Variants in ADAMTS19 observed in about 807,000 individuals in gnomAD.
ADAMTS19 encodes ADAM metallopeptidase with thrombospondin type 1 motif 19, also known as A disintegrin and metalloproteinase with thrombospondin motifs 19.
ADAMTS19 carries 93 observed loss-of-function variants against 153.3 expected under a neutral mutation model. The observed-to-expected ratio is 0.61, with a 90% CI of 0.51 to 0.72. The LOEUF (loss-of-function observed/expected upper bound fraction) is 0.72, where lower values mean the gene tolerates loss of function less well. ADAMTS19 is among the 30% of genes least tolerant of loss of function. The pLI is 0.00. For synonymous variants in ADAMTS19, 600 were observed against 556.6 expected (o/e 1.08, Z -1.10); for missense variants, 1,482 against 1,552.1 (o/e 0.95, Z 0.76).
chr5:129,709,610 C>A (rs1039071846), intron 21 of ADAMTS19, among the ~76,000 whole-genome samples: 11 of 152,076 alleles, frequency 7.2e-5, no homozygotes, highest in African/African-American at 2.4e-4. Flanking sequence ...AGCATTATAA[C>A]CTTAAAGTGT....
intron 2 of ADAMTS19, among the ~76,000 whole-genome samples, chr5:129,498,118 C>G (rs1321005871): frequency 6.6e-6 from 1 of 152,052 alleles, no homozygotes; most frequent in Non-Finnish European, 1.5e-5. Context: ...CTCCACACCA[C>G]CTGTCAGTTT....
At chr5:129,673,496 G>T (rs1754405888) in intron 16 of ADAMTS19, among the ~76,000 whole-genome samples, 1 of 151,980 alleles carries the variant, frequency 6.6e-6, no homozygotes, top group Non-Finnish European at 1.5e-5. Flanking sequence ...GTTTAAATCT[G>T]TTCTGATAAG....
intron 20 of ADAMTS19, 103 bp from the exon 21 acceptor site, chr5:129,704,136 G>T: frequency 8.3e-7 from 1 of 1,204,498 alleles, no homozygotes; most frequent in East Asian, 2.4e-5. Context: ...TTTTATGGGT[G>T]ATGGGCTCAT....
intron 3 of ADAMTS19, among the ~76,000 whole-genome samples, chr5:129,519,704 G>T (rs1751731630): frequency 6.6e-6 from 1 of 151,800 alleles, no homozygotes; most frequent in Non-Finnish European, 1.5e-5. Flanking sequence ...CACAAGGGAT[G>T]ATGTGATTCC....
At position 129,622,276 on chromosome 5, in the gene ADAMTS19, G is replaced by C; in HGVS notation, c.1698G>C (p.Gly566=). 6.2e-7 allele frequency: 1 copy of C among 1,614,122 alleles called. No homozygotes were observed. Among genetic ancestry groups the C allele is most frequent in the Admixed American group, 1.7e-5 (1 of 60,014 alleles). The stretch of plus-strand genomic sequence containing the variant: ...TGATGGTTCCCTCCAAGCTGCCAGG[G>C]ATGACATACACTGCTGATGAACAAT... ...NSVMVPSKLP[G]MTYTADEQCQ... is the part of the protein sequence containing the mutation. The change falls in exon 10 of 23, where the codon GGG becomes GGC. Residue 566 remains glycine (G), a synonymous_variant. Transcript: ENST00000274487.
chr5:129,526,521 T>A (rs1273794034), intron 4 of ADAMTS19, 65 bp downstream of exon 4: 1 of 1,429,706 alleles, frequency 7.0e-7, no homozygotes, highest in African/African-American at 1.5e-5. Context: ...CATGTGTGAG[T>A]ATTTATAATG....
chr5:129,529,347 G>C (rs765611713), intron 6 of ADAMTS19, among the ~76,000 whole-genome samples: 4 of 152,072 alleles, frequency 2.6e-5, no homozygotes, highest in Admixed American at 2.0e-4. Context: ...TCACAGTAGC[G>C]TAAATTACAC....
intron 7 of ADAMTS19, among the ~76,000 whole-genome samples, chr5:129,580,417 C>A (rs947080270): frequency 6.6e-6 from 1 of 152,144 alleles, no homozygotes; most frequent in Non-Finnish European, 1.5e-5. Context: ...TATTTGAATA[C>A]CCTTTATTTA....
Position 129,737,793 on chromosome 5 carries a change from T to A in ADAMTS19, c.*575T>A, listed in dbSNP as rs1298036362. On this transcript the variant is annotated 3_prime_UTR_variant, in exon 23 of 23. Transcript: ENST00000274487. ...AAAAATTCTGCTGTAATTATAACCT[T>A]ATTTTGATATGGAAAAGAAAAGTCA... 1 of 152,486 alleles carries A rather than the reference T, an allele frequency of 6.6e-6. No homozygotes were observed. The highest frequency in any genetic ancestry group is 1.5e-5 in the Non-Finnish European group (1 of 67,974). 9.4% of individuals were successfully genotyped at this position (152,486 alleles called of 1,614,324 possible).
chr5:129,593,791 A>C (rs1328962416), intron 7 of ADAMTS19, among the ~76,000 whole-genome samples: 1 of 151,930 alleles, frequency 6.6e-6, no homozygotes, highest in Non-Finnish European at 1.5e-5. Context: ...TGCTCTCCAA[A>C]CTCATGCACT....
chr5:129,729,829 C>T (rs1391414033), intron 21 of ADAMTS19, among the ~76,000 whole-genome samples: 1 of 151,986 alleles, frequency 6.6e-6, no homozygotes, highest in East Asian at 1.9e-4. Context: ...CTTTGCTTTG[C>T]TCATATCCCT....
At chr5:129,721,953 A>T (rs2127201504) in intron 21 of ADAMTS19, among the ~76,000 whole-genome samples, 1 of 152,320 alleles carries the variant, frequency 6.6e-6, no homozygotes, top group East Asian at 1.9e-4. Context: ...ATGGCTGCAT[A>T]GTATTCCATG....
intron 2 of ADAMTS19, among the ~76,000 whole-genome samples, chr5:129,468,217 T>C (rs2126645137): frequency 6.6e-6 from 1 of 152,344 alleles, no homozygotes; most frequent in East Asian, 1.9e-4. Flanking sequence ...TGCTTAATTG[T>C]ACCCCATAGA....
chr5:129,490,384 A>G (rs944865979), intron 2 of ADAMTS19, among the ~76,000 whole-genome samples: 4 of 152,140 alleles, frequency 2.6e-5, no homozygotes, highest in African/African-American at 9.7e-5. Flanking sequence ...CCAATTTCCT[A>G]TGTGGCTTTT....
At chr5:129,590,539 G>A (rs545346904) in intron 7 of ADAMTS19, among the ~76,000 whole-genome samples, 2 of 152,028 alleles carry the variant, frequency 1.3e-5, no homozygotes, top group African/African-American at 2.4e-5. Context: ...AAAACTGCAC[G>A]TTAAGAGTGT....
At chr5:129,643,561 ATTAC>A (rs1268851211) in intron 11 of ADAMTS19, among the ~76,000 whole-genome samples, 3 of 152,020 alleles carry the variant, frequency 2.0e-5, no homozygotes, top group Non-Finnish European at 4.4e-5. Context: ...GCAGTGATTT[ATTAC>A]TTCTATGATT....
chr5:129,580,265 G>A (rs984149355), intron 7 of ADAMTS19, among the ~76,000 whole-genome samples: 2 of 152,142 alleles, frequency 1.3e-5, no homozygotes, highest in African/African-American at 4.8e-5. Context: ...AGGAATGCTT[G>A]TGATTTTTGC....
rs980286673 is a variant in ADAMTS19 at position 129,580,588 on chromosome 5, T to C, written c.1373-15971T>C. On this transcript the variant is annotated intron_variant, in intron 7 of 22. Coordinates refer to ENST00000274487, the MANE Select transcript of ADAMTS19 (RefSeq NM_133638.6). ...GTGGGTTTTTCACAAATAGCTCTTA[T>C]TAATTTCAGATACGTTCCATCAATA... 3.9e-5 allele frequency among the ~76,000 whole-genome samples: 6 copies of C among 152,330 alleles called. No individual in the cohort carries two copies. The South Asian group carries it at 1.2e-3, about 32-fold the overall frequency.
At chr5:129,601,343 GT>G (rs764780110) in intron 8 of ADAMTS19, among the ~76,000 whole-genome samples, 2 of 151,568 alleles carry the variant, frequency 1.3e-5, no homozygotes, top group African/African-American at 2.4e-5. Flanking sequence ...TGAATTTGAT[GT>G]TTTATTGAAT....
Sources: allele counts gnomAD v4.1 joint callset (sites outside exome capture counted in the v4.1 genomes callset), GRCh38; gene constraint gnomAD v4.1.1; transcripts MANE v1.5; gene names NCBI Gene and HGNC (gene_info 2026-07-23, HGNC 2026-07-21).